The following TEKT3 variants were observed in gnomAD, a reference collection of about 807,000 sequenced individuals.
TEKT3 encodes tektin 3.
In TEKT3, 49 loss-of-function variants were observed where a neutral mutation model predicts 49.8. That is an observed-to-expected ratio of 0.98 (90% CI 0.78 to 1.25). The LOEUF (loss-of-function observed/expected upper bound fraction) is 1.25, where lower values mean the gene tolerates loss of function less well. Among genes scored for constraint, TEKT3 ranks in the 50% most tolerant of loss-of-function variants. The probability of loss-of-function intolerance (pLI) is 0.00; values close to 1 mark genes in which losing one functional copy is unlikely to be tolerated. For synonymous variants in TEKT3, 225 were observed against 237.2 expected, an observed-to-expected ratio of 0.95 and a Z score of 0.47; for missense variants, 595 against 629.5, an observed-to-expected ratio of 0.95 and a Z score of 0.59.
chr17:15,338,548 G>A (rs981349441), intron 2 of TEKT3: 1 of 149,164 alleles, frequency 6.7e-6, no homozygotes, highest in African/African-American at 2.4e-5. Context: ...CTGTCCCCCA[G>A]GCTGGAGTGC....
At chr17:15,340,915 GTTTA>G (rs1046278723) in intron 1 of TEKT3, among the ~76,000 whole-genome samples, 1 of 152,084 alleles carries the variant, frequency 6.6e-6, no homozygotes, top group Non-Finnish European at 1.5e-5. Context: ...TTTCCAGGAT[GTTTA>G]TTTCTCTACA....
intron 3 of TEKT3, among the ~76,000 whole-genome samples, chr17:15,328,506 T>C (rs1911580427): frequency 1.3e-5 from 2 of 152,190 alleles, no homozygotes; most frequent in South Asian, 4.1e-4. Flanking sequence ...AATTTTTGTG[T>C]TGCCAAAAGT....
intron 2 of TEKT3, 57 bp from the exon 3 acceptor site, chr17:15,331,671 C>T: frequency 1.5e-6 from 2 of 1,342,904 alleles, no homozygotes; most frequent in Non-Finnish European, 2.0e-6. Flanking sequence ...TCTGGTGAAA[C>T]ATACAGATAA....
At chr17:15,333,559 T>G (rs1911861776) in intron 2 of TEKT3, among the ~76,000 whole-genome samples, 1 of 152,126 alleles carries the variant, frequency 6.6e-6, no homozygotes, top group Admixed American at 6.6e-5. Context: ...AATTTGAAAC[T>G]TAAACATTAC....
chr17:15,340,613 T>C (rs1414450236), intron 1 of TEKT3: 1 of 152,116 alleles, frequency 6.6e-6, no homozygotes, highest in Non-Finnish European at 1.5e-5. Flanking sequence ...ATATGCAGAA[T>C]ATAAGTAAAT....
At chr17:15,343,277 C>A (rs1912288061), upstream of TEKT3, among the ~76,000 whole-genome samples, 1 of 152,180 alleles carries the variant, frequency 6.6e-6, no homozygotes, top group Non-Finnish European at 1.5e-5. Context: ...ATTTCAAAAA[C>A]CTCCTGATTA....
chr17:15,313,603 G>A (rs192377982), intron 6 of TEKT3, among the ~76,000 whole-genome samples: 1 of 152,038 alleles, frequency 6.6e-6, no homozygotes. Flanking sequence ...TCTCCTTCCA[G>A]GTTCAAGTGA....
chr17:15,336,111 C>T (rs1218625530), intron 2 of TEKT3, among the ~76,000 whole-genome samples: 1 of 151,888 alleles, frequency 6.6e-6, no homozygotes, highest in Admixed American at 6.6e-5. Context: ...AATACACACA[C>T]ACACACACAC....
chr17:15,307,440 G>A (rs1237616288), intron 8 of TEKT3, among the ~76,000 whole-genome samples: 1 of 152,216 alleles, frequency 6.6e-6, no homozygotes, highest in African/African-American at 2.4e-5. Flanking sequence ...GTAATATGAA[G>A]GTAATGAATG....
intron 4 of TEKT3, among the ~76,000 whole-genome samples, chr17:15,322,724 T>A (rs887291137): frequency 3.9e-5 from 6 of 152,202 alleles, no homozygotes; most frequent in Non-Finnish European, 8.8e-5. Context: ...ACCTCCTGTC[T>A]AACAGGTGAA....
intron 5 of TEKT3, among the ~76,000 whole-genome samples, chr17:15,316,353 TC>T (rs1911009036): frequency 6.6e-6 from 1 of 152,124 alleles, no homozygotes; most frequent in Non-Finnish European, 1.5e-5. Context: ...GCCTTTTACT[TC>T]CCATCACCTC....
intron 3 of TEKT3, among the ~76,000 whole-genome samples, chr17:15,330,748 T>C (rs1250264767): frequency 6.6e-6 from 1 of 152,204 alleles, no homozygotes; most frequent in Non-Finnish European, 1.5e-5. Context: ...TTGTGTGTCC[T>C]AATGGTGTCT....
intron 8 of TEKT3, among the ~76,000 whole-genome samples, chr17:15,308,061 G>T (rs977125930): frequency 2.0e-5 from 3 of 152,174 alleles, no homozygotes; most frequent in African/African-American, 4.8e-5. Flanking sequence ...AGACCAGCTG[G>T]CTTTGATTTC....
At chr17:15,309,841 T>A (rs2150733974) in intron 7 of TEKT3, among the ~76,000 whole-genome samples, 1 of 152,208 alleles carries the variant, frequency 6.6e-6, no homozygotes, top group African/African-American at 2.4e-5. Context: ...GACACCTCCC[T>A]CTCCTTAAGA....
chr17:15,317,635 C>T (rs1346364994), intron 5 of TEKT3, among the ~76,000 whole-genome samples: 1 of 152,186 alleles, frequency 6.6e-6, no homozygotes, highest in Non-Finnish European at 1.5e-5. Context: ...CACATAATCA[C>T]CTCTCTTATT....
At chr17:15,329,774 C>G (rs768409413) in intron 3 of TEKT3, among the ~76,000 whole-genome samples, 1 of 152,160 alleles carries the variant, frequency 6.6e-6, no homozygotes, top group African/African-American at 2.4e-5. Flanking sequence ...CCTTGATTCT[C>G]TAAACTCTTC....
upstream of TEKT3, among the ~76,000 whole-genome samples, chr17:15,342,834 C>T (rs1213504096): frequency 6.6e-6 from 1 of 152,218 alleles, no homozygotes; most frequent in Non-Finnish European, 1.5e-5. Flanking sequence ...GGCTCCCATA[C>T]CCGACACCAG....
chr17:15,337,638 T>C (rs1309835489), intron 2 of TEKT3, among the ~76,000 whole-genome samples: 2 of 152,056 alleles, frequency 1.3e-5, no homozygotes, highest in Non-Finnish European at 2.9e-5. Flanking sequence ...GGTCAGAAGT[T>C]CAAGACCAGC....
rs138837186 is a variant in TEKT3 at position 15,331,421 on chromosome 17, G to A, written c.165C>T (p.Tyr55=). ...TTGGGGAATTGGAGGCGACTTTGTA[G>A]TATGTGCTGGGTCTCCAAGGAAGGC... The part of the protein sequence containing the change: ...SLSLPWRPST[Y]YKVASNSPSV... Residue 55 remains tyrosine (Y), a synonymous_variant, in exon 3 of 9, where the codon TAC becomes TAT. Transcript: ENST00000395930. 57 of 1,614,030 alleles carry A rather than the reference G, an allele frequency of 3.5e-5. No individual in the cohort carries two copies. Among genetic ancestry groups the A allele is most frequent in the East Asian group, 1.6e-4 (7 of 44,880 alleles).
Sources: gnomAD v4.1 joint callset for allele counts (sites outside exome capture counted in the v4.1 genomes callset) on GRCh38, gnomAD v4.1.1 for gene constraint, MANE v1.5 for transcripts, NCBI Gene and HGNC (gene_info 2026-07-23, HGNC 2026-07-21) for gene names.